CBL: variants seen among roughly 807,000 people sequenced by gnomAD.
CBL encodes Cbl proto-oncogene, also known as E3 ubiquitin-protein ligase CBL.
In CBL, 45 loss-of-function variants were observed where a neutral mutation model predicts 96.9. The ratio of observed to expected loss-of-function variants is 0.46; its 90% CI spans 0.37 to 0.60. CBL has a LOEUF of 0.60. CBL is among the 20% of genes least tolerant of loss of function. CBL has a pLI of 0.00. For missense variants in CBL, 1,024 were observed against 1,143.5 expected (o/e 0.90, Z 1.51); for synonymous variants, 420 against 426.8 (o/e 0.98, Z 0.20).
intron 1 of CBL, among the ~76,000 whole-genome samples, chr11:119,230,256 A>G (rs752438747): frequency 4.0e-5 from 6 of 150,942 alleles, no homozygotes; most frequent in African/African-American, 4.9e-5. Context: ...GGTTCACACC[A>G]TTCTCCTGCC....
chr11:119,220,732 G>A (rs954855296), intron 1 of CBL, among the ~76,000 whole-genome samples: 1 of 152,306 alleles, frequency 6.6e-6, no homozygotes, highest in African/African-American at 2.4e-5. Flanking sequence ...ATTATAAGTG[G>A]CATGGTGTTT....
At chr11:119,268,594 T>G (rs563117190) in intron 2 of CBL, among the ~76,000 whole-genome samples, 1 of 152,306 alleles carries the variant, frequency 6.6e-6, no homozygotes, top group South Asian at 2.1e-4. Context: ...GGCCTAAGAT[T>G]TGGGCATTGT....
At chr11:119,217,916 A>G (rs1471106556) in intron 1 of CBL, among the ~76,000 whole-genome samples, 1 of 152,108 alleles carries the variant, frequency 6.6e-6, no homozygotes, top group Non-Finnish European at 1.5e-5. Flanking sequence ...TACAAAATAA[A>G]AAATAAAAAA....
intron 2 of CBL, among the ~76,000 whole-genome samples, chr11:119,245,574 C>A (rs372006909): frequency 6.6e-6 from 1 of 151,916 alleles, no homozygotes; most frequent in African/African-American, 2.4e-5. Flanking sequence ...ACTAAAAATA[C>A]AAAAATTACC....
rs570099360 is a variant in CBL, at chr11:119,227,847, G to A, written c.196-4601G>A. ...TTACAGGCGTGAGCCACCGCGCCCC[G>A]CAAACCTTATAATTTTCTTGTTGAA... On this transcript the variant is annotated intron_variant, in intron 1 of 15. Transcript: ENST00000264033. Among the ~76,000 whole-genome samples, 25 of 152,270 alleles carry A rather than the reference G, an allele frequency of 1.6e-4. 1 individual carries two copies. Among genetic ancestry groups the A allele is most frequent in the African/African-American group, 2.6e-4 (11 of 41,564 alleles).
chr11:119,232,707 A>G lies in CBL; in HGVS notation c.443+12A>G. The G allele has an allele frequency of 6.2e-7, 1 of 1,611,672 alleles. No homozygotes were observed. The highest frequency in any genetic ancestry group is 8.5e-7 in the Non-Finnish European group (1 of 1,179,356). ...AATTCTCAGCCTAGGTAATGGAGAA[A>G]TACTACACAAATAATTATGCAGGTC... On this transcript the variant is annotated intron_variant, in intron 2 of 15. Transcript: ENST00000264033.
Position 119,260,579 on chromosome 11 carries a change from TAGTA to T in CBL, c.444-11153_444-11150del, listed in dbSNP as rs565543784. Among the ~76,000 whole-genome samples, 280 of 152,250 alleles carry T rather than the reference TAGTA, an allele frequency of 1.8e-3. 1 individual carries two copies. Among genetic ancestry groups the T allele is most frequent in the African/African-American group, 6.5e-3 (272 of 41,534 alleles). ...CAAAATACGTAAAGTGCCTGGTACT[TAGTA>T]AGCCCTTAAAAAACATTAGCTTTTA... is the stretch of plus-strand genomic sequence containing the variant. On this transcript the variant is annotated intron_variant, in intron 2 of 15. Transcript: ENST00000264033.
intron 2 of CBL, among the ~76,000 whole-genome samples, chr11:119,243,038 GA>G (rs1354593946): frequency 6.6e-6 from 1 of 152,032 alleles, no homozygotes; most frequent in East Asian, 1.9e-4. Flanking sequence ...AGCACTTTGG[GA>G]GGCTGAGGCA....
At chr11:119,241,050 G>A (rs1321843361) in intron 2 of CBL, among the ~76,000 whole-genome samples, 1 of 151,956 alleles carries the variant, frequency 6.6e-6, no homozygotes, top group Non-Finnish European at 1.5e-5. Flanking sequence ...TAGCCTGGGC[G>A]ACAGAGTTAG....
intron 2 of CBL, among the ~76,000 whole-genome samples, chr11:119,265,043 A>T (rs975760136): frequency 1.3e-5 from 2 of 151,028 alleles, no homozygotes; most frequent in African/African-American, 4.9e-5. Context: ...TACCTGGCTA[A>T]TTTTTTTGCA....
chr11:119,215,258 T>C (rs1222720912), intron 1 of CBL, among the ~76,000 whole-genome samples: 1 of 152,154 alleles, frequency 6.6e-6, no homozygotes, highest in African/African-American at 2.4e-5. Context: ...ATACATATAA[T>C]GAACCTGATA....
chr11:119,211,420 A>G (rs1949318107), intron 1 of CBL, among the ~76,000 whole-genome samples: 1 of 152,168 alleles, frequency 6.6e-6, no homozygotes, highest in Admixed American at 6.5e-5. Flanking sequence ...AGGTAATGGA[A>G]ACCTCAGATA....
chr11:119,264,388 TTTCTC>T (rs367863373), intron 2 of CBL, among the ~76,000 whole-genome samples: 7,818 of 133,770 alleles, frequency 0.058, 271 homozygotes, highest in South Asian at 0.13. Context: ...TTTCTTTTCT[TTTCTC>T]TTCTCTTCTC....
intron 1 of CBL, among the ~76,000 whole-genome samples, chr11:119,226,371 G>C (rs1949458562): frequency 6.6e-6 from 1 of 152,112 alleles, no homozygotes; most frequent in African/African-American, 2.4e-5. Flanking sequence ...GATTTTTTTG[G>C]AAACTGTGCA....
chr11:119,291,076 G>A lies in CBL; in HGVS notation c.2036+3130G>A, dbSNP rs527372363. Among the ~76,000 whole-genome samples, 224 of 152,238 alleles carry A rather than the reference G, an allele frequency of 1.5e-3. 2 individuals carry two copies. Among genetic ancestry groups the A allele is most frequent in the Middle Eastern group, 3.4e-3 (1 of 294 alleles). Reference sequence around the variant, plus strand: ...CATTGTTTCTGTTGAGAAATTAGCCGTCAGCCTTAATGTTACTCCTTTAAA... The same window carrying A: ...CATTGTTTCTGTTGAGAAATTAGCCATCAGCCTTAATGTTACTCCTTTAAA... On this transcript the variant is annotated intron_variant, in intron 12 of 15. Transcript: ENST00000264033.
intron 2 of CBL, among the ~76,000 whole-genome samples, chr11:119,233,883 C>G (rs913390189): frequency 6.6e-6 from 1 of 152,174 alleles, no homozygotes; most frequent in African/African-American, 2.4e-5. Flanking sequence ...TCTGGCAACC[C>G]TAGCTTTCAA....
Position 119,273,851 on chromosome 11 carries a change from C to T in CBL, c.591-17C>T, listed in dbSNP as rs756478069. On this transcript the variant is annotated splice_polypyrimidine_tract_variant and intron_variant, in intron 3 of 15. Transcript: ENST00000264033. ...TCTGTTATTTCACTTTATGCCTCCTCTCCACCCCCTCCCCAGGACAATAGT... is the reference window on the plus strand; with the variant it reads ...TCTGTTATTTCACTTTATGCCTCCTTTCCACCCCCTCCCCAGGACAATAGT... 19 of 1,611,932 alleles carry T rather than the reference C, an allele frequency of 1.2e-5. No homozygotes were observed. Among genetic ancestry groups the T allele is most frequent in the Admixed American group, 1.7e-5 (1 of 59,988 alleles).
At chr11:119,288,748 C>G (rs866024907) in intron 12 of CBL, among the ~76,000 whole-genome samples, 13 of 152,224 alleles carry the variant, frequency 8.5e-5, no homozygotes, top group Middle Eastern at 6.8e-3. Flanking sequence ...TATGTGGGCT[C>G]TAATGAATAC....
intron 1 of CBL, among the ~76,000 whole-genome samples, chr11:119,219,933 T>C (rs1405864599): frequency 6.7e-6 from 1 of 149,004 alleles, no homozygotes; most frequent in Non-Finnish European, 1.5e-5. Flanking sequence ...CACTGCAACC[T>C]CCGCCTCCCG....
Sources: allele counts gnomAD v4.1 joint callset (sites outside exome capture counted in the v4.1 genomes callset), GRCh38; gene constraint gnomAD v4.1.1; transcripts MANE v1.5; gene names NCBI Gene and HGNC (gene_info 2026-07-23, HGNC 2026-07-21).